LRRC37B: variants seen among roughly 807,000 people sequenced by gnomAD.
LRRC37B encodes the protein leucine-rich repeat-containing protein 37B.
In LRRC37B, 28 loss-of-function variants were observed where a neutral mutation model predicts 98.3. That is an observed-to-expected ratio of 0.28 (90% CI 0.21 to 0.39). LRRC37B has a LOEUF of 0.39. LRRC37B is among the 10% of genes least tolerant of loss of function. The pLI, the probability that LRRC37B is intolerant of heterozygous loss-of-function variation, is 1.00. For missense variants in LRRC37B, 938 were observed against 1,182.7 expected (o/e 0.79, Z 3.03); for synonymous variants, 364 against 442.7 (o/e 0.82, Z 2.23).
exon 1 of LRRC37B, chr17:32,022,125 C>G: frequency 6.2e-7 from 1 of 1,613,924 alleles, no homozygotes; most frequent in South Asian, 1.1e-5. Context: ...AGTGACAGTT[C>G]AACCTCCAGG....
intron 11 of LRRC37B, 67 bp from the exon 15 acceptor site, chr17:32,053,199 A>G (rs921976816): frequency 2.9e-6 from 3 of 1,024,158 alleles, no homozygotes; most frequent in Non-Finnish European, 4.5e-6. Flanking sequence ...AATAAAAGGA[A>G]TGAATACACA....
chr17:32,038,715 A>G (rs1911321160), intron 7 of LRRC37B, among the ~76,000 whole-genome samples: 1 of 152,064 alleles, frequency 6.6e-6, no homozygotes, highest in African/African-American at 2.4e-5. Context: ...CAAATTAGCC[A>G]GTTGTGGTGG....
chr17:32,047,804 G>A, exon 9 of LRRC37B: 1 of 1,614,066 alleles, frequency 6.2e-7, no homozygotes, highest in Non-Finnish European at 8.5e-7. Context: ...CGTTCATGAA[G>A]ATGTTACAAG....
intron 6 of LRRC37B, 35 bp downstream of exon 9, chr17:32,035,016 G>T: frequency 7.5e-7 from 1 of 1,334,738 alleles, no homozygotes; most frequent in South Asian, 1.3e-5. Flanking sequence ...GTCATGAGAT[G>T]ATTTATGCTT....
intron 7 of LRRC37B, among the ~76,000 whole-genome samples, chr17:32,037,639 C>T (rs1911284338): frequency 6.6e-6 from 1 of 152,200 alleles, no homozygotes; most frequent in Admixed American, 6.5e-5. Flanking sequence ...GTAGTGGAAT[C>T]TCACTGGTTT....
In LRRC37B at chr17:32,023,199, G is replaced by A. The variant is rs141883792; in HGVS notation, c.1760+374G>A. Among the ~76,000 whole-genome samples, 370 of 144,530 alleles carry A rather than the reference G, an allele frequency of 2.6e-3. 2 individuals carry two copies. The highest frequency in any genetic ancestry group is 4.7e-3 in the Non-Finnish European group (312 of 67,012). 94.8% of individuals were successfully genotyped at this position (144,530 alleles called of 152,430 possible). A position where few individuals can be genotyped will look rare whatever the true frequency, so the allele number is the denominator to read the frequency against. On this transcript the variant is annotated intron_variant, in intron 1 of 11. Transcript: ENST00000327564. ...TGCAATGGCATGGTCTTGGCTCACC[G>A]CAACCTCCGTCTCCCGGGTTCAAGT... is the stretch of plus-strand genomic sequence containing the variant.
intron 7 of LRRC37B, among the ~76,000 whole-genome samples, chr17:32,039,504 ATATATATATATATATATATG>A (rs1237373136): frequency 0.17 from 10,940 of 63,658 alleles, 1,338 homozygotes; most frequent in African/African-American, 0.24. Flanking sequence ...ATATATATAT[ATATATATATATATATATATG>A]TATGTATTTT....
At chr17:32,007,698 C>T (rs1482723872), upstream of LRRC37B, among the ~76,000 whole-genome samples, 1 of 151,402 alleles carries the variant, frequency 6.6e-6, no homozygotes, top group Non-Finnish European at 1.5e-5. The surrounding 1 kb of genome is among the most constrained non-coding windows in gnomAD (Gnocchi z 4.1). Context: ...CCGCCCACGT[C>T]CGGACCCATC....
chr17:32,041,017 C>T, intron 7 of LRRC37B: 1 of 785,756 alleles, frequency 1.3e-6, no homozygotes, highest in Non-Finnish European at 2.3e-6. Flanking sequence ...GTAGCAGAAA[C>T]CAGCATGCAC....
intron 11 of LRRC37B, 46 bp downstream of exon 14, chr17:32,050,153 T>G: frequency 9.6e-7 from 1 of 1,040,634 alleles, no homozygotes; most frequent in Non-Finnish European, 1.5e-6. Context: ...AATCCTGTGT[T>G]TGTGTGGATT....
exon 1 of LRRC37B, chr17:32,022,235 C>T: frequency 6.2e-7 from 1 of 1,613,004 alleles, no homozygotes; most frequent in Non-Finnish European, 8.5e-7. Context: ...CAGAATCTAC[C>T]CAAGCCCAGC....
rs769802492 is a variant in LRRC37B at position 32,021,389 on chromosome 17, G to A, written c.324G>A (p.Ser108=). The A allele has an allele frequency of 9.9e-6, 16 of 1,613,688 alleles. No homozygotes were observed. In the Admixed American group the frequency reaches 1.3e-4, roughly 13 times the overall value. The change falls in exon 1 of 12, where the codon TCG becomes TCA. Residue 108 remains serine, a synonymous_variant. Transcript: ENST00000327564. ...ATTACCTGGGGCCCTCTGCTTCTTC[G>A]CAGATGTCAGCCCTGCCTCAGGAAC...
At chr17:32,040,961 T>C (rs1269056483) in intron 7 of LRRC37B, 4 of 918,312 alleles carry the variant, frequency 4.4e-6, no homozygotes, top group South Asian at 1.3e-5. Flanking sequence ...AGATCCCCGA[T>C]GAGGAGCTGC....
chr17:32,039,512 A>C (rs1372739972), intron 7 of LRRC37B, among the ~76,000 whole-genome samples: 1 of 45,354 alleles, frequency 2.2e-5, no homozygotes, highest in African/African-American at 1.2e-4. Context: ...ATATATATAT[A>C]TATATATATA....
chr17:32,016,189 C>T (rs999791088), upstream of LRRC37B, among the ~76,000 whole-genome samples: 1 of 152,132 alleles, frequency 6.6e-6, no homozygotes, highest in Non-Finnish European at 1.5e-5. Flanking sequence ...AAAATTTTGC[C>T]TCAGTAACTG....
chr17:32,027,459 G>T (rs9674870), intron 2 of LRRC37B, among the ~76,000 whole-genome samples: 4 of 149,620 alleles, frequency 2.7e-5, no homozygotes, highest in African/African-American at 1.0e-4. Context: ...CTGTGTGTGT[G>T]TGTGCTTGCC....
intron 2 of LRRC37B, among the ~76,000 whole-genome samples, chr17:32,025,665 A>G (rs983452096): frequency 6.6e-6 from 1 of 152,174 alleles, no homozygotes; most frequent in Non-Finnish European, 1.5e-5. Flanking sequence ...CTCCTGCATA[A>G]TCCATAGTAT....
upstream of LRRC37B, among the ~76,000 whole-genome samples, chr17:32,007,565 C>T (rs956466201): frequency 1.4e-4 from 21 of 152,096 alleles, no homozygotes; most frequent in Non-Finnish European, 2.1e-4. The surrounding 1 kb of genome is among the most constrained non-coding windows in gnomAD (Gnocchi z 4.1). Context: ...GCGCCCGGCC[C>T]TCCCCGTCAG....
At chr17:32,035,705 T>G in intron 7 of LRRC37B, 66 bp downstream of exon 10, 1 of 1,452,644 alleles carries the variant, frequency 6.9e-7, no homozygotes, top group Non-Finnish European at 9.5e-7. Context: ...TATTATTTTC[T>G]TAAGTCAGGT....
Sources: allele counts gnomAD v4.1 joint callset (sites outside exome capture counted in the v4.1 genomes callset), GRCh38; gene constraint gnomAD v4.1.1; non-coding constraint Gnocchi (gnomAD v3.1); transcripts MANE v1.5; gene names NCBI Gene and HGNC (gene_info 2026-07-23, HGNC 2026-07-21).